Variants in CARD8 observed in about 807,000 individuals in gnomAD.
The protein encoded by CARD8 is caspase recruitment domain-containing protein 8.
CARD8 carries 38 observed loss-of-function variants against 53.2 expected under a neutral mutation model. The ratio of observed to expected loss-of-function variants is 0.71; its 90% confidence interval spans 0.55 to 0.94. The LOEUF (loss-of-function observed/expected upper bound fraction) is 0.94. Ranked by LOEUF, CARD8 falls within the 40% of genes least tolerant of loss-of-function variation. The pLI is 0.00. For synonymous variants in CARD8, 245 were observed against 244.9 expected (o/e 1.00, Z 0.00); for missense variants, 561 against 655.5 (o/e 0.86, Z 1.57).
chr19:48,236,507 C>T lies in CARD8; in HGVS notation c.209+1876G>A, dbSNP rs146458956. On this transcript the variant is annotated intron_variant, in intron 5 of 13. Transcript: ENST00000651546. The stretch of plus-strand genomic sequence containing the variant: ...GGGATTACACCTGTGAGCCACCGCA[C>T]CCAGTCTGGGATAGGTTTTATTAAA... Among the ~76,000 whole-genome samples the T allele has an allele frequency of 2.9e-3, 437 of 152,308 alleles. 2 individuals are homozygous for T. Among genetic ancestry groups the T allele is most frequent in the African/African-American group, 0.01 (418 of 41,574 alleles).
rs140830446 is a variant in CARD8 at position 48,231,682 on chromosome 19, C to G, written c.520G>C (p.Asp174His). Residue 174 changes from aspartate (D) to histidine (H), a missense_variant, in exon 8 of 14, where the codon GAT (aspartate) becomes CAT (histidine). Asp to His is a moderately conservative substitution (Grantham distance 81). Coordinates refer to ENST00000651546, the MANE Select transcript of CARD8 (RefSeq NM_001184900.3). ...TACCTGTATCTGTTTGTGCTCTTATCAATCAACTCAACATCCACATTTCCT... is the reference window on the plus strand; with the variant it reads ...TACCTGTATCTGTTTGTGCTCTTATGAATCAACTCAACATCCACATTTCCT... ...PEGNVDVELI[D>H]KSTNRYSVWF... The G allele has an allele frequency of 1.2e-6, 2 of 1,607,028 alleles. No individual in the cohort carries two copies. The highest frequency in any genetic ancestry group is 2.7e-5 in the African/African-American group (2 of 74,632).
intron 4 of CARD8, 91 bp from the exon 5 acceptor site, chr19:48,238,623 C>T: frequency 8.1e-7 from 1 of 1,239,904 alleles, no homozygotes; most frequent in Non-Finnish European, 1.1e-6. Context: ...CGAAAGTAGC[C>T]CGATCCTTAG....
At chr19:48,252,690 GT>G (rs925914638) in intron 1 of CARD8, among the ~76,000 whole-genome samples, 58 of 151,718 alleles carry the variant, frequency 3.8e-4, no homozygotes, top group African/African-American at 1.3e-3. Context: ...TAGAGACAGA[GT>G]TTCCCCACGT....
intron 5 of CARD8, among the ~76,000 whole-genome samples, chr19:48,235,078 CA>C (rs145216817): frequency 0.04 from 6,067 of 152,170 alleles, 392 homozygotes; most frequent in African/African-American, 0.13. Context: ...TTGCATAAAG[CA>C]ACAAAAATGC....
Position 48,245,841 on chromosome 19 carries a change from A to G in CARD8, c.-44+3682T>C, listed in dbSNP as rs1173877194. On this transcript the variant is annotated intron_variant, in intron 3 of 13. Coordinates refer to ENST00000651546, the MANE Select transcript of CARD8 (RefSeq NM_001184900.3). The stretch of plus-strand genomic sequence containing the variant: ...TATACATTTATTGTATTATATATAA[A>G]TAATTGCATATCTACATTTAATATA... Among the ~76,000 whole-genome samples, 4 of 148,480 alleles carry G rather than the reference A, an allele frequency of 2.7e-5. No homozygotes were observed. The Admixed American group carries it at 2.7e-4, about 10-fold the overall frequency.
intron 10 of CARD8, among the ~76,000 whole-genome samples, chr19:48,222,312 G>C (rs1568712375): frequency 1.3e-5 from 2 of 152,184 alleles, no homozygotes; most frequent in African/African-American, 2.4e-5. Flanking sequence ...GCTGCTGTGA[G>C]ATGCTCAATC....
chr19:48,239,190 G>A (rs1350593591), intron 4 of CARD8, among the ~76,000 whole-genome samples: 2 of 152,164 alleles, frequency 1.3e-5, no homozygotes. Flanking sequence ...GAGCGTGTCA[G>A]GGATGATGGA....
rs776337526 is a variant in CARD8, at chr19:48,218,902, C to T, written c.1272G>A (p.Gly424=). The T allele has an allele frequency of 4.3e-6, 7 of 1,614,158 alleles. No individual in the cohort carries two copies. The East Asian group carries it at 1.6e-4, about 36-fold the overall frequency. The stretch of plus-strand genomic sequence containing the variant: ...TCACCTCAGTATCCCACACCAAAGT[C>T]CCATGTCTTTTTTCAGTAATCTCAA... The part of the protein sequence containing the change: ...IQLEITEKRH[G]TLVWDTEVKP... Residue 424 remains glycine, a synonymous_variant, in exon 12 of 14, where the codon GGG becomes GGA. Coordinates refer to ENST00000651546, the MANE Select transcript of CARD8 (RefSeq NM_001184900.3).
chr19:48,233,417 G>C (rs1295498099), intron 6 of CARD8: 1 of 456,278 alleles, frequency 2.2e-6, no homozygotes, highest in Non-Finnish European at 4.4e-6. Context: ...AGAGAAGTGG[G>C]ATGAAGAGAA....
rs141801097 is a variant in CARD8, at chr19:48,211,948, C to T, written c.1376G>A (p.Arg459Gln). ...GTCCCCCATCCTGGCTTGGAGTTGC[C>T]GGTGGTTCTCCTTCACAAAGGCTGC... ...SGAAFVKENH[R>Q]QLQARMGDLK... is the part of the protein sequence containing the mutation. The change falls in exon 14 of 14, where the codon CGG becomes CAG. Residue 459 changes from arginine (R) to glutamine (Q), a missense_variant. Coordinates refer to ENST00000651546, the MANE Select transcript of CARD8 (RefSeq NM_001184900.3). 2.5e-5 allele frequency: 40 copies of T among 1,613,856 alleles called. No individual in the cohort carries two copies. In the East Asian group the frequency reaches 3.8e-4, roughly 15 times the overall value.
intron 10 of CARD8, among the ~76,000 whole-genome samples, chr19:48,227,618 C>A (rs1275619837): frequency 6.6e-6 from 1 of 152,138 alleles, no homozygotes; most frequent in African/African-American, 2.4e-5. Flanking sequence ...GCCTGTCCAA[C>A]ACTGTGAAAC....
chr19:48,205,186 T>C (rs1195655888), downstream of CARD8, among the ~76,000 whole-genome samples: 19 of 152,198 alleles, frequency 1.2e-4, no homozygotes, highest in Non-Finnish European at 4.4e-5. Flanking sequence ...CTAAGTACTC[T>C]TATTTTTAAA....
At chr19:48,233,125 GA>G (rs1443440505) in intron 6 of CARD8, 1 of 353,638 alleles carries the variant, frequency 2.8e-6, no homozygotes, top group African/African-American at 2.1e-5. Flanking sequence ...AATTGAATCA[GA>G]AGTCTGGAGG....
chr19:48,249,676 G>T (rs1342506732), intron 2 of CARD8, 43 bp from the exon 3 acceptor site: 1 of 152,326 alleles, frequency 6.6e-6, no homozygotes, highest in Non-Finnish European at 1.5e-5. Flanking sequence ...TAGAGAAACC[G>T]AAGCTTAAGG....
intron 12 of CARD8, 110 bp downstream of exon 12, chr19:48,218,761 C>T: frequency 1.6e-6 from 2 of 1,223,768 alleles, no homozygotes; most frequent in Non-Finnish European, 1.2e-6. Flanking sequence ...CAATAGATTT[C>T]TTTTCTTCTC....
Position 48,210,382 on chromosome 19 carries a change from AT to A in CARD8, c.*1327del, listed in dbSNP as rs2037782995. Reference sequence around the variant, plus strand: ...AGGAAGTGGAAATTTGCAGAACGAAATTTGGAAAATAATGAAGGAAGAGCAA... The same window carrying A: ...AGGAAGTGGAAATTTGCAGAACGAAATTGGAAAATAATGAAGGAAGAGCAA... On this transcript the variant is annotated 3_prime_UTR_variant, in exon 14 of 14. Transcript: ENST00000651546. 1 of 152,300 alleles carries A rather than the reference AT, an allele frequency of 6.6e-6. No homozygotes were observed. Among genetic ancestry groups the A allele is most frequent in the South Asian group, 2.1e-4 (1 of 4,830 alleles). The allele number at this position is 152,300 out of a possible 1,614,324, so 9.4% of individuals were successfully genotyped here.
At chr19:48,255,381 T>G (rs1218993195) in intron 1 of CARD8, among the ~76,000 whole-genome samples, 2 of 152,038 alleles carry the variant, frequency 1.3e-5, no homozygotes, top group African/African-American at 4.8e-5. Flanking sequence ...AAAAAAAAAT[T>G]GTTTCCCTTA....
intron 5 of CARD8, among the ~76,000 whole-genome samples, chr19:48,235,730 GGTTACAACA>G (rs2043755039): frequency 2.6e-5 from 4 of 151,946 alleles, no homozygotes; most frequent in Admixed American, 2.6e-4. Context: ...CTCCACAAAA[GGTTACAACA>G]GTGAACACTT....
At chr19:48,235,899 T>TAA (rs904425910) in intron 5 of CARD8, among the ~76,000 whole-genome samples, 1 of 143,428 alleles carries the variant, frequency 7.0e-6, no homozygotes. Context: ...AACTTTTGTC[T>TAA]AAAAAAAAAA....
Sources: gnomAD v4.1 joint callset for allele counts (sites outside exome capture counted in the v4.1 genomes callset) on GRCh38, gnomAD v4.1.1 for gene constraint, MANE v1.5 for transcripts, NCBI Gene and HGNC (gene_info 2026-07-23, HGNC 2026-07-21) for gene names.